The following ARHGAP10 variants were observed in gnomAD, a reference collection of about 807,000 sequenced individuals.
ARHGAP10 encodes the protein Rho GTPase activating protein 10, also known as rho GTPase-activating protein 10.
In ARHGAP10, 87 loss-of-function variants were observed where a neutral mutation model predicts 108.6. The ratio of observed to expected loss-of-function variants is 0.80; its 90% CI spans 0.67 to 0.96. The LOEUF is 0.96. ARHGAP10 is among the 40% of genes least tolerant of loss of function. The probability of loss-of-function intolerance (pLI) is 0.00; values close to 1 mark genes in which losing one functional copy is unlikely to be tolerated. For missense variants in ARHGAP10, 939 were observed against 954.5 expected (o/e 0.98, Z 0.21); for synonymous variants, 347 against 341.1 (o/e 1.02, Z -0.19).
intron 18 of ARHGAP10, among the ~76,000 whole-genome samples, chr4:147,979,291 A>T (rs187218892): frequency 1.4e-3 from 210 of 152,318 alleles, no homozygotes; most frequent in African/African-American, 4.5e-3. Context: ...TTTTCTCAGC[A>T]CCATTTATTG....
chr4:147,868,318 C>T (rs1734652824), intron 7 of ARHGAP10, among the ~76,000 whole-genome samples: 1 of 151,576 alleles, frequency 6.6e-6, no homozygotes, highest in African/African-American at 2.4e-5. Context: ...CTCACTGCAG[C>T]CTCAACCTCC....
intron 18 of ARHGAP10, among the ~76,000 whole-genome samples, chr4:147,997,352 A>G (rs548206347): frequency 6.6e-6 from 1 of 152,348 alleles, no homozygotes; most frequent in South Asian, 2.1e-4. Context: ...CTATAGAACT[A>G]TTCAGTAAAA....
rs965845507 is a variant in ARHGAP10 at position 147,787,870 on chromosome 4, C to T, written c.155-34857C>T. 3.3e-5 allele frequency among the ~76,000 whole-genome samples: 5 copies of T among 152,166 alleles called. No homozygotes were observed. In the South Asian group the frequency reaches 6.2e-4, roughly 19 times the overall value. ...GTGACTGGAGTTAATGTGAGGCACC[C>T]GACCTGTGAGGGTTAGAGGGTCTGT... On this transcript the variant is annotated intron_variant, in intron 1 of 22. Coordinates refer to ENST00000336498, the MANE Select transcript of ARHGAP10 (RefSeq NM_024605.4).
intron 1 of ARHGAP10, among the ~76,000 whole-genome samples, chr4:147,815,921 A>C (rs944208283): frequency 1.3e-5 from 2 of 152,222 alleles, no homozygotes. Flanking sequence ...TCTGACCTCC[A>C]AAAACTGTTA....
chr4:147,747,937 T>C (rs1729001820), intron 1 of ARHGAP10, among the ~76,000 whole-genome samples: 1 of 152,128 alleles, frequency 6.6e-6, no homozygotes, highest in Admixed American at 6.6e-5. Context: ...CTAGAGACAA[T>C]TTTGGTTGTT....
chr4:148,005,671 A>G (rs55912417), intron 18 of ARHGAP10, among the ~76,000 whole-genome samples: 21,091 of 152,212 alleles, frequency 0.14, 2,274 homozygotes, highest in African/African-American at 0.3. Context: ...TTTAATTTGA[A>G]GAAACTTTAA....
At chr4:147,930,731 TC>T (rs1254779559) in intron 13 of ARHGAP10, among the ~76,000 whole-genome samples, 2 of 152,236 alleles carry the variant, frequency 1.3e-5, no homozygotes, top group African/African-American at 4.8e-5. Context: ...AAATTACCTG[TC>T]TTTTCTCTTC....
At chr4:147,940,359 G>A (rs930627955) in intron 14 of ARHGAP10, among the ~76,000 whole-genome samples, 5 of 152,170 alleles carry the variant, frequency 3.3e-5, no homozygotes, top group African/African-American at 1.2e-4. Flanking sequence ...GTTCACACCA[G>A]GCTCTCCTCC....
intron 18 of ARHGAP10, among the ~76,000 whole-genome samples, chr4:147,984,273 G>A (rs1019913077): frequency 2.6e-5 from 4 of 152,200 alleles, no homozygotes; most frequent in African/African-American, 4.8e-5. Flanking sequence ...CGCGTTCAGC[G>A]GCTGGAGCCA....
At chr4:147,877,808 T>G (rs1735134300) in intron 8 of ARHGAP10, among the ~76,000 whole-genome samples, 1 of 147,008 alleles carries the variant, frequency 6.8e-6, no homozygotes, top group Non-Finnish European at 1.5e-5. Flanking sequence ...TTAGATTTCT[T>G]ATTCTTCATA....
chr4:147,955,117 C>G (rs1226331931), intron 15 of ARHGAP10, among the ~76,000 whole-genome samples, 199 bp from the exon 16 acceptor site: 1 of 152,014 alleles, frequency 6.6e-6, no homozygotes, highest in Non-Finnish European at 1.5e-5. Context: ...GCTCCCTAGG[C>G]TTTGATAGTG....
At chr4:147,846,955 C>T (rs1475262285) in intron 3 of ARHGAP10, among the ~76,000 whole-genome samples, 196 bp from the exon 4 acceptor site, 4 of 152,028 alleles carry the variant, frequency 2.6e-5, no homozygotes, top group Non-Finnish European at 5.9e-5. Context: ...CCTCCTCTTC[C>T]CTGAAAATAT....
At chr4:147,980,616 C>T (rs750476924) in intron 18 of ARHGAP10, among the ~76,000 whole-genome samples, 8 of 152,142 alleles carry the variant, frequency 5.3e-5, no homozygotes, top group Non-Finnish European at 1.0e-4. Context: ...TTGGTACCAG[C>T]TCTTTTTTGT....
chr4:147,860,332 C>T (rs1353813406), intron 5 of ARHGAP10, among the ~76,000 whole-genome samples: 1 of 152,178 alleles, frequency 6.6e-6, no homozygotes, highest in Non-Finnish European at 1.5e-5. Flanking sequence ...GTCCCAGCTA[C>T]TCAGGAGGCT....
intron 3 of ARHGAP10, among the ~76,000 whole-genome samples, chr4:147,824,385 G>A (rs545030328): frequency 7.2e-5 from 11 of 152,010 alleles, no homozygotes; most frequent in South Asian, 4.2e-4. Flanking sequence ...CTAGAATTAC[G>A]TTATAGTGTA....
chr4:148,055,487 G>A (rs1410822633), intron 20 of ARHGAP10, among the ~76,000 whole-genome samples: 2 of 152,122 alleles, frequency 1.3e-5, no homozygotes, highest in African/African-American at 2.4e-5. Flanking sequence ...TCAGGAGTTC[G>A]AGAGCAGCCT....
At chr4:148,018,889 T>G (rs1198036585) in intron 18 of ARHGAP10, among the ~76,000 whole-genome samples, 1 of 152,242 alleles carries the variant, frequency 6.6e-6, no homozygotes, top group Non-Finnish European at 1.5e-5. Context: ...ATTTTTGAGC[T>G]TTGTTTATTT....
intron 18 of ARHGAP10, among the ~76,000 whole-genome samples, chr4:148,008,886 G>T (rs182558031): frequency 1.3e-5 from 2 of 152,054 alleles, no homozygotes; most frequent in African/African-American, 4.8e-5. Context: ...CAGAGAGTCC[G>T]CTGTCTACTG....
intron 1 of ARHGAP10, among the ~76,000 whole-genome samples, chr4:147,786,842 C>T (rs944385352): frequency 3.9e-5 from 6 of 152,156 alleles, no homozygotes; most frequent in Non-Finnish European, 8.8e-5. Flanking sequence ...TTCCTCCTGC[C>T]CTTTCTTTGT....
Sources: allele counts gnomAD v4.1 joint callset (sites outside exome capture counted in the v4.1 genomes callset), GRCh38; gene constraint gnomAD v4.1.1; transcripts MANE v1.5; gene names NCBI Gene and HGNC (gene_info 2026-07-23, HGNC 2026-07-21).